DAB1: variants seen among roughly 807,000 people sequenced by gnomAD.
DAB1 encodes the protein disabled homolog 1.
Under a neutral mutation model 64.6 loss-of-function variants are expected in DAB1, and 15 were observed. The observed-to-expected ratio is 0.23, with a 90% CI of 0.16 to 0.36. The LOEUF (loss-of-function observed/expected upper bound fraction) is 0.36. Among genes scored for constraint, DAB1 ranks in the 10% least tolerant of loss-of-function variants. The probability of loss-of-function intolerance (pLI) is 1.00; values close to 1 mark genes in which losing one functional copy is unlikely to be tolerated. For missense variants in DAB1, 596 were observed against 706.7 expected (o/e 0.84, Z 1.78); for synonymous variants, 235 against 251.9 (o/e 0.93, Z 0.64).
intron 7 of DAB1, among the ~76,000 whole-genome samples, chr1:57,538,889 C>T (rs997965989): frequency 6.6e-6 from 1 of 152,220 alleles, no homozygotes; most frequent in Non-Finnish European, 1.5e-5. Flanking sequence ...GTCACAAAGA[C>T]CTAAGGAGCA....
intron 7 of DAB1, among the ~76,000 whole-genome samples, chr1:57,505,514 G>A (rs1373109186): frequency 1.3e-5 from 2 of 152,184 alleles, no homozygotes; most frequent in Non-Finnish European, 1.5e-5. Context: ...AGAAGGCAGT[G>A]GGTGTCCTTA....
intron 6 of DAB1, among the ~76,000 whole-genome samples, chr1:57,785,320 C>T (rs112538800): frequency 1.2e-4 from 18 of 152,168 alleles, no homozygotes; most frequent in African/African-American, 3.9e-4. Flanking sequence ...TTCTGCAGCC[C>T]ATCAATCAAG....
At position 57,294,398 on chromosome 1, in the gene DAB1, AT is replaced by A. The variant is rs539545077; in HGVS notation, c.-136-3233del. 4.4e-3 allele frequency among the ~76,000 whole-genome samples: 674 copies of A among 152,224 alleles called. 5 individuals are homozygous for A. Among genetic ancestry groups the A allele is most frequent in the Non-Finnish European group, 5.4e-3 (365 of 68,006 alleles). ...TAGTGAACTGCTTCTAAAATGTAAA[AT>A]TTCATGTTTATTGATGGGGTGGGGG... On this transcript the variant is annotated intron_variant, in intron 1 of 14. Coordinates refer to ENST00000371236, the MANE Select transcript of DAB1 (RefSeq NM_001365792.1).
chr1:57,241,621 C>T (rs1168976757), intron 2 of DAB1, among the ~76,000 whole-genome samples: 1 of 152,142 alleles, frequency 6.6e-6, no homozygotes, highest in Non-Finnish European at 1.5e-5. Flanking sequence ...CCACTGCCAC[C>T]AAGGTTTGCA....
chr1:57,942,868 T>C (rs1386608370), intron 5 of DAB1, among the ~76,000 whole-genome samples: 2 of 152,248 alleles, frequency 1.3e-5, no homozygotes, highest in African/African-American at 4.8e-5. Context: ...GCCATTACAC[T>C]AACATGATTT....
chr1:58,325,967 G>A (rs568508891), intron 4 of DAB1, among the ~76,000 whole-genome samples: 1 of 152,244 alleles, frequency 6.6e-6, no homozygotes, highest in South Asian at 2.1e-4. Context: ...CTTCAGATAT[G>A]GACTCTGCCA....
intron 4 of DAB1, among the ~76,000 whole-genome samples, chr1:57,096,664 A>G (rs1654195901): frequency 6.6e-6 from 1 of 152,044 alleles, no homozygotes; most frequent in African/African-American, 2.4e-5. Context: ...CCCACAGTCA[A>G]TCCCTATCAT....
rs1169841694 is a variant in DAB1 at position 57,643,821 on chromosome 1, C to T, written n.625+5771G>A. On this transcript the variant is annotated intron_variant and non_coding_transcript_variant, in intron 7 of 20. Transcript: ENST00000485760. ...TTGGGCTAATCCGAGACTGGGTAGT[C>T]GGATTCAAGTTTGAAGGACCTCAAA... Among the ~76,000 whole-genome samples the T allele has an allele frequency of 3.3e-5, 5 of 152,242 alleles. No individual in the cohort carries two copies. The East Asian group carries it at 5.8e-4, about 18-fold the overall frequency.
chr1:58,425,105 A>T (rs918548682), intron 3 of DAB1, among the ~76,000 whole-genome samples: 2 of 152,226 alleles, frequency 1.3e-5, no homozygotes, highest in African/African-American at 4.8e-5. Flanking sequence ...ATGGAAGCTG[A>T]TATCTTTGTC....
intron 3 of DAB1, among the ~76,000 whole-genome samples, chr1:58,412,136 C>T (rs1470603012): frequency 6.6e-6 from 1 of 152,122 alleles, no homozygotes; most frequent in Non-Finnish European, 1.5e-5. Context: ...AACTAGCATT[C>T]CTTTGGTGTT....
chr1:57,474,961 T>A (rs1643916027), intron 7 of DAB1, among the ~76,000 whole-genome samples: 1 of 152,100 alleles, frequency 6.6e-6, no homozygotes, highest in South Asian at 2.1e-4. Flanking sequence ...GAAAGACTTG[T>A]AAGAAGAAAT....
At chr1:58,336,007 C>T (rs114437088) in intron 4 of DAB1, among the ~76,000 whole-genome samples, 211 of 152,268 alleles carry the variant, frequency 1.4e-3, no homozygotes, top group African/African-American at 4.7e-3. Context: ...GGTTATAGCA[C>T]TTAGATGTGT....
chr1:58,248,019 T>C (rs2100396728), intron 4 of DAB1, among the ~76,000 whole-genome samples: 1 of 152,204 alleles, frequency 6.6e-6, no homozygotes, highest in East Asian at 1.9e-4. Flanking sequence ...GGAGCAAGGC[T>C]TTTGCTAGCA....
At position 57,692,921 on chromosome 1, in the gene DAB1, G is replaced by C. The variant is rs535578991; in HGVS notation, n.552-43256C>G. On this transcript the variant is annotated intron_variant and non_coding_transcript_variant, in intron 6 of 20. Transcript: ENST00000485760. ...ATCAGACAATGCCTTTCAAACTCTTGTACCAACCTCTGGAGTTAGGCACCA... is the reference window on the plus strand; with the variant it reads ...ATCAGACAATGCCTTTCAAACTCTTCTACCAACCTCTGGAGTTAGGCACCA... Among the ~76,000 whole-genome samples, 785 of 152,222 alleles carry C rather than the reference G, an allele frequency of 5.2e-3. 8 individuals are homozygous for C. Among genetic ancestry groups the C allele is most frequent in the African/African-American group, 0.018 (729 of 41,542 alleles).
At chr1:58,171,416 C>A (rs1243882278) in intron 4 of DAB1, among the ~76,000 whole-genome samples, 1 of 152,232 alleles carries the variant, frequency 6.6e-6, no homozygotes, top group Non-Finnish European at 1.5e-5. Flanking sequence ...CACTCCAATT[C>A]TGGGAGTACA....
intron 4 of DAB1, among the ~76,000 whole-genome samples, chr1:57,130,112 C>G (rs535033040): frequency 6.6e-6 from 1 of 151,738 alleles, no homozygotes; most frequent in African/African-American, 2.4e-5. Context: ...TAGGATACAG[C>G]AAGCAGAAGA....
At chr1:58,446,926 G>A (rs1248228131) in intron 3 of DAB1, among the ~76,000 whole-genome samples, 1 of 152,216 alleles carries the variant, frequency 6.6e-6, no homozygotes, top group Non-Finnish European at 1.5e-5. Context: ...GGGATGACAA[G>A]CTGTTCCAGT....
chr1:57,235,918 C>T (rs1431712654), intron 2 of DAB1, among the ~76,000 whole-genome samples: 1 of 152,298 alleles, frequency 6.6e-6, no homozygotes, highest in Non-Finnish European at 1.5e-5. Flanking sequence ...ATACACAGAG[C>T]CTGTCAGCAA....
chr1:57,203,099 A>G (rs1395505045), intron 2 of DAB1, among the ~76,000 whole-genome samples: 2 of 152,294 alleles, frequency 1.3e-5, no homozygotes, highest in Admixed American at 6.5e-5. Context: ...ATGATTGAGT[A>G]ACAGCAAACA....
Sources: allele counts gnomAD v4.1 joint callset (sites outside exome capture counted in the v4.1 genomes callset), GRCh38; gene constraint gnomAD v4.1.1; transcripts MANE v1.5; gene names NCBI Gene and HGNC (gene_info 2026-07-23, HGNC 2026-07-21).